CD46: variants seen among roughly 807,000 people sequenced by gnomAD.
CD46 encodes the protein membrane cofactor protein.
CD46 carries 30 observed loss-of-function variants against 53.3 expected under a neutral mutation model. That is an observed-to-expected ratio of 0.56 (90% CI 0.42 to 0.76). The LOEUF is 0.76. Among genes scored for constraint, CD46 ranks in the 30% least tolerant of loss-of-function variants. The pLI is 0.00. For missense variants in CD46, 409 were observed against 463.0 expected (o/e 0.88, Z 1.07); for synonymous variants, 142 against 152.0 (o/e 0.93, Z 0.48).
chr1:207,775,574 C>G (rs868068350), intron 8 of CD46, among the ~76,000 whole-genome samples: 1 of 152,138 alleles, frequency 6.6e-6, no homozygotes, highest in Non-Finnish European at 1.5e-5. Context: ...GATGTTGATG[C>G]TATTCCTTTC....
chr1:207,761,212 T>A, intron 4 of CD46, 37 bp from the exon 5 acceptor site: 1 of 1,374,474 alleles, frequency 7.3e-7, no homozygotes, highest in Non-Finnish European at 1.0e-6. Flanking sequence ...TGTCTTAATC[T>A]TTTACATTTC....
intron 8 of CD46, among the ~76,000 whole-genome samples, chr1:207,777,596 C>T (rs547149530): frequency 1.4e-4 from 22 of 151,918 alleles, no homozygotes; most frequent in Non-Finnish European, 2.9e-4. Flanking sequence ...GTATTTGGGA[C>T]GTTCCTGCTG....
chr1:207,782,984 C>T (rs1047352147), intron 8 of CD46, among the ~76,000 whole-genome samples: 1 of 151,938 alleles, frequency 6.6e-6, no homozygotes, highest in Non-Finnish European at 1.5e-5. Context: ...TAATTAGAAT[C>T]ACATTGGATT....
rs1660068006 is a variant in CD46 at position 207,794,382 on chromosome 1, C to T, written c.*905C>T. The T allele has an allele frequency of 6.6e-6, 1 of 152,194 alleles. No homozygotes were observed. Among genetic ancestry groups the T allele is most frequent in the Non-Finnish European group, 1.5e-5 (1 of 68,036 alleles). The allele number at this position is 152,194 out of a possible 1,614,324, so 9.4% of individuals were successfully genotyped here. On this transcript the variant is annotated 3_prime_UTR_variant, in exon 13 of 13. Coordinates refer to ENST00000367042, the MANE Select transcript of CD46 (RefSeq NM_172351.3). ...GAACACTGTAGTCTTGTTGTTTTCC[C>T]AAAGAGAACTCCGTATGTTCTCTTA...
chr1:207,789,569 G>GT (rs1213863031), intron 11 of CD46, among the ~76,000 whole-genome samples: 1 of 152,144 alleles, frequency 6.6e-6, no homozygotes, highest in Non-Finnish European at 1.5e-5. Context: ...GAGACGCCAT[G>GT]TAATACAAAG....
intron 11 of CD46, chr1:207,786,010 A>G (rs1264789162): frequency 4.4e-6 from 1 of 226,426 alleles, no homozygotes; most frequent in Non-Finnish European, 8.9e-6. Context: ...CCTATTTCCA[A>G]AATTGCACTA....
chr1:207,775,966 C>G (rs1218806665), intron 8 of CD46, among the ~76,000 whole-genome samples: 1 of 152,308 alleles, frequency 6.6e-6, no homozygotes, highest in Middle Eastern at 3.4e-3. Context: ...TGCCCTGCCC[C>G]CAGAGGTGGA....
intron 5 of CD46, 59 bp from the exon 6 acceptor site, chr1:207,766,954 T>A: frequency 1.5e-6 from 2 of 1,354,736 alleles, no homozygotes; most frequent in Non-Finnish European, 2.1e-6. Context: ...TACTACTTTG[T>A]ACTACTTTTT....
chr1:207,772,767 A>G (rs574278362), intron 8 of CD46, among the ~76,000 whole-genome samples: 59 of 152,304 alleles, frequency 3.9e-4, no homozygotes, highest in Non-Finnish European at 7.8e-4. Flanking sequence ...ATTGTGGTGG[A>G]TAAGCTTTTT....
At chr1:207,785,725 T>A (rs11118580) in intron 11 of CD46, 43 bp downstream of exon 11, 2 of 1,250,734 alleles carry the variant, frequency 1.6e-6, no homozygotes, top group South Asian at 1.2e-5. Flanking sequence ...GTCCTTCTTA[T>A]ACTTAACATG....
chr1:207,767,907 A>G, intron 7 of CD46, 84 bp downstream of exon 7: 1 of 1,109,686 alleles, frequency 9.0e-7, no homozygotes, highest in African/African-American at 1.5e-5. Context: ...ATTTCTGGTG[A>G]TGTTCACTTA....
intron 3 of CD46, among the ~76,000 whole-genome samples, 160 bp downstream of exon 3, chr1:207,757,802 A>G (rs1162009472): frequency 2.0e-5 from 3 of 152,378 alleles, no homozygotes; most frequent in South Asian, 4.1e-4. Context: ...TAGGCAAGAT[A>G]TATAGTAAAT....
At position 207,794,402 on chromosome 1, in the gene CD46, CT is replaced by C. The variant is rs1355017425; in HGVS notation, c.*926del. ...TTTCCCAAAGAGAACTCCGTATGTT[CT>C]CTTAGGTTGAGTAACCCACTCTGAA... On this transcript the variant is annotated 3_prime_UTR_variant, in exon 13 of 13. Coordinates refer to ENST00000367042, the MANE Select transcript of CD46 (RefSeq NM_172351.3). The C allele has an allele frequency of 6.6e-6, 1 of 152,198 alleles. No homozygotes were observed. The highest frequency in any genetic ancestry group is 1.5e-5 in the Non-Finnish European group (1 of 68,032). 9.4% of individuals were successfully genotyped at this position (152,198 alleles called of 1,614,324 possible).
Position 207,756,649 on chromosome 1 carries a change from C to T in CD46, c.98-365C>T, listed in dbSNP as rs41317047. On this transcript the variant is annotated intron_variant, in intron 1 of 12. Coordinates refer to ENST00000367042, the MANE Select transcript of CD46 (RefSeq NM_172351.3). ...TTAAACTATGGAAGAACAATCTGAG[C>T]AGAGTACTCTATACTGTAGAAGACT... is the stretch of plus-strand genomic sequence containing the variant. Among the ~76,000 whole-genome samples the T allele has an allele frequency of 8.1e-3, 1,226 of 152,266 alleles. 8 individuals carry two copies. Among genetic ancestry groups the T allele is most frequent in the Admixed American group, 0.014 (207 of 15,294 alleles).
At position 207,793,667 on chromosome 1, in the gene CD46, T is replaced by G; in HGVS notation, c.*190T>G. ...CTTCAATAGTTGTTATTCTGTAGTT[T>G]CACTCTCATGAGTGCAACTGTGGCT... On this transcript the variant is annotated 3_prime_UTR_variant, in exon 13 of 13. Coordinates refer to ENST00000367042, the MANE Select transcript of CD46 (RefSeq NM_172351.3). 3.3e-6 allele frequency: 4 copies of G among 1,225,926 alleles called. No homozygotes were observed. Among genetic ancestry groups the G allele is most frequent in the Non-Finnish European group, 4.8e-6 (4 of 831,180 alleles). 75.9% of individuals were successfully genotyped at this position (1,225,926 alleles called of 1,614,324 possible). A position where few individuals can be genotyped will look rare whatever the true frequency, so the allele number is the denominator to read the frequency against.
rs121909590 is a variant in CD46 at position 207,757,091 on chromosome 1, C to T, written c.175C>T (p.Arg59Ter). 1.2e-5 allele frequency: 19 copies of T among 1,613,684 alleles called. No individual in the cohort carries two copies. The highest frequency in any genetic ancestry group is 6.7e-5 in the Admixed American group (4 of 60,002). ...KPKPYYEIGE[R>*]VDYKCKKGYF... ...AAAACCCTACTATGAGATTGGTGAA[C>T]GAGTAGATTATAAGTGTAAAAAAGG... The change falls in exon 2 of 13, where the codon CGA (arginine) becomes TGA (stop). Residue 59 changes from arginine (R) to a stop codon, truncating the protein, a stop_gained. Transcript: ENST00000367042. LOFTEE classifies it high-confidence loss of function.
At chr1:207,783,860 A>G (rs1442292685) in intron 9 of CD46, 1 of 152,958 alleles carries the variant, frequency 6.5e-6, no homozygotes, top group Non-Finnish European at 1.5e-5. Flanking sequence ...ATCTGTTGCC[A>G]TCTTAAACTG....
At chr1:207,756,971 A>G (rs1213510095) in intron 1 of CD46, 43 bp from the exon 2 acceptor site, 1 of 1,503,308 alleles carries the variant, frequency 6.7e-7, no homozygotes, top group South Asian at 1.1e-5. Flanking sequence ...GATGAAAGTG[A>G]TATCAGTACT....
intron 8 of CD46, among the ~76,000 whole-genome samples, chr1:207,778,638 G>T (rs938656355): frequency 2.6e-5 from 4 of 152,084 alleles, no homozygotes; most frequent in Non-Finnish European, 5.9e-5. Context: ...CTGTTCCATT[G>T]GTGTATATGC....
Sources: gnomAD v4.1 joint callset for allele counts (sites outside exome capture counted in the v4.1 genomes callset) on GRCh38, gnomAD v4.1.1 for gene constraint, MANE v1.5 for transcripts, NCBI Gene and HGNC (gene_info 2026-07-23, HGNC 2026-07-21) for gene names.